ARB2A: variants seen among roughly 807,000 people sequenced by gnomAD.
The protein encoded by ARB2A is ARB2 cotranscriptional regulator A, also known as cotranscriptional regulator ARB2A.
the ARB2A span, among the ~76,000 whole-genome samples, chr5:93,686,040 T>G: frequency 6.6e-6 from 1 of 152,192 alleles, no homozygotes; most frequent in East Asian, 1.9e-4. Context: ...GCTAAGTGCT[T>G]TACATATATT....
At chr5:94,039,066 A>C in the ARB2A span, among the ~76,000 whole-genome samples, 1 of 152,228 alleles carries the variant, frequency 6.6e-6, no homozygotes, top group Middle Eastern at 3.4e-3. Flanking sequence ...AACTAACATA[A>C]AGTACTAAAT....
chr5:94,072,553 G>A, the ARB2A span, among the ~76,000 whole-genome samples: 4 of 151,914 alleles, frequency 2.6e-5, no homozygotes, highest in Non-Finnish European at 4.4e-5. Flanking sequence ...TTTAATAAAG[G>A]CACTATAGCA....
chr5:93,810,547 C>G, the ARB2A span, among the ~76,000 whole-genome samples: 1 of 151,932 alleles, frequency 6.6e-6, no homozygotes, highest in African/African-American at 2.4e-5. Flanking sequence ...AGACTACAGG[C>G]ATGCATCATA....
At chr5:93,741,143 C>T in the ARB2A span, 8 of 1,613,870 alleles carry the variant, frequency 5.0e-6, no homozygotes, top group Non-Finnish European at 6.8e-6. Context: ...TGCGAGTACC[C>T]TAGGCTCAAC....
the ARB2A span, among the ~76,000 whole-genome samples, chr5:93,621,562 C>G: frequency 6.6e-6 from 1 of 152,262 alleles, no homozygotes; most frequent in Non-Finnish European, 1.5e-5. Flanking sequence ...CCCTCTCCCT[C>G]CGGGAAACCA....
chr5:94,051,202 C>T, the ARB2A span, among the ~76,000 whole-genome samples: 1 of 152,108 alleles, frequency 6.6e-6, no homozygotes, highest in Admixed American at 6.5e-5. Context: ...AGTTAAGCAA[C>T]TTTTCAGGAA....
the ARB2A span, among the ~76,000 whole-genome samples, chr5:94,018,752 T>C: frequency 1.3e-5 from 2 of 152,146 alleles, no homozygotes; most frequent in East Asian, 3.9e-4. Context: ...GATTCAGTGC[T>C]ATCCCCATTT....
At chr5:93,942,540 A>T in the ARB2A span, among the ~76,000 whole-genome samples, 1 of 151,946 alleles carries the variant, frequency 6.6e-6, no homozygotes, top group Non-Finnish European at 1.5e-5. Flanking sequence ...GGAAAAAAAA[A>T]CCCAATAATC....
the ARB2A span, among the ~76,000 whole-genome samples, chr5:93,699,114 A>C: frequency 6.6e-6 from 1 of 152,202 alleles, no homozygotes; most frequent in Non-Finnish European, 1.5e-5. Context: ...CAGGTGAAGG[A>C]ATGGAAGTAC....
the ARB2A span, among the ~76,000 whole-genome samples, chr5:94,097,845 C>T: frequency 6.6e-6 from 1 of 151,032 alleles, no homozygotes; most frequent in Non-Finnish European, 1.5e-5. Context: ...CCCTCCCCCC[C>T]ACCACCCCAC....
chr5:93,756,077 G>C, the ARB2A span, among the ~76,000 whole-genome samples: 1 of 152,156 alleles, frequency 6.6e-6, no homozygotes, highest in South Asian at 2.1e-4. Flanking sequence ...ATGTGTGGGA[G>C]CTGGGCGAGG....
At chr5:94,053,205 C>G in the ARB2A span, 3 of 1,576,398 alleles carry the variant, frequency 1.9e-6, no homozygotes, top group South Asian at 3.4e-5. Context: ...TTAGTTCATC[C>G]AAATCTATCC....
the ARB2A span, among the ~76,000 whole-genome samples, chr5:93,999,294 C>A: frequency 1.3e-5 from 2 of 151,746 alleles, no homozygotes; most frequent in East Asian, 1.9e-4. Flanking sequence ...GGAGTATTAT[C>A]AAGGGTTACA....
At chr5:93,807,334 A>G in the ARB2A span, among the ~76,000 whole-genome samples, 16 of 152,000 alleles carry the variant, frequency 1.1e-4, no homozygotes, top group African/African-American at 3.1e-4. Context: ...TTCCATTGTC[A>G]CCAAGTAACA....
chr5:93,640,827 C>T, the ARB2A span, among the ~76,000 whole-genome samples: 2 of 151,988 alleles, frequency 1.3e-5, no homozygotes, highest in Non-Finnish European at 2.9e-5. Flanking sequence ...GTATATTTTA[C>T]ATGTGTTACA....
the ARB2A span, among the ~76,000 whole-genome samples, chr5:93,779,304 TATCAA>T: frequency 6.6e-6 from 1 of 152,212 alleles, no homozygotes; most frequent in Non-Finnish European, 1.5e-5. Flanking sequence ...AATGTTATTT[TATCAA>T]ATCTAACTCC....
the ARB2A span, among the ~76,000 whole-genome samples, chr5:93,904,762 A>G: frequency 1.3e-5 from 2 of 151,712 alleles, no homozygotes; most frequent in Non-Finnish European, 3.0e-5. Flanking sequence ...CACCTTTTAT[A>G]TTAGGAGATT....
chr5:93,837,566 T>C, the ARB2A span, among the ~76,000 whole-genome samples: 1 of 152,076 alleles, frequency 6.6e-6, no homozygotes. Context: ...AAACTCAGAA[T>C]TGCCATTTTT....
chr5:93,644,440 C>A, the ARB2A span, among the ~76,000 whole-genome samples: 1 of 152,076 alleles, frequency 6.6e-6, no homozygotes, highest in South Asian at 2.1e-4. Flanking sequence ...CACACACACA[C>A]CCCAACTGCA....
Sources: allele counts gnomAD v4.1 joint callset (sites outside exome capture counted in the v4.1 genomes callset), GRCh38; gene constraint gnomAD v4.1.1; transcripts MANE v1.5; gene names NCBI Gene and HGNC (gene_info 2026-07-23, HGNC 2026-07-21).